The following CLN6 variants were observed in gnomAD, a reference collection of about 807,000 sequenced individuals.
CLN6 encodes ceroid-lipofuscinosis neuronal protein 6.
Under a neutral mutation model 33.3 loss-of-function variants are expected in CLN6, and 22 were observed. The ratio of observed to expected loss-of-function variants is 0.66; its 90% CI spans 0.47 to 0.94. CLN6 has a LOEUF of 0.94. Ranked by LOEUF, CLN6 falls within the 40% of genes least tolerant of loss-of-function variation. The pLI is 0.00. For synonymous variants in CLN6, 201 were observed against 174.6 expected (o/e 1.15, Z -1.19); for missense variants, 387 against 417.1 (o/e 0.93, Z 0.63).
intron 1 of CLN6, among the ~76,000 whole-genome samples, chr15:68,225,422 G>A (rs2093248907): frequency 1.3e-5 from 2 of 152,282 alleles, no homozygotes; most frequent in South Asian, 4.1e-4. Flanking sequence ...TGAAAACAGA[G>A]GACAGAAATT....
rs530599728 is a variant in CLN6 at position 68,213,824 on chromosome 15, T to C, written c.297+466A>G. On this transcript the variant is annotated intron_variant, in intron 3 of 6. Coordinates refer to ENST00000249806, the MANE Select transcript of CLN6 (RefSeq NM_017882.3). ...CAAAGCCAGCAGTTCCTGCTAGTGC[T>C]CCCAGTGACATCTCAGGGCTCTCCA... The C allele has an allele frequency of 3.3e-5, 6 of 182,452 alleles. No homozygotes were observed. The East Asian group carries it at 8.7e-4, about 26-fold the overall frequency. 11.3% of individuals were successfully genotyped at this position (182,452 alleles called of 1,614,324 possible).
chr15:68,229,146 TA>T (rs1462142436), intron 1 of CLN6, among the ~76,000 whole-genome samples: 30 of 151,970 alleles, frequency 2.0e-4, no homozygotes, highest in Admixed American at 2.0e-3. Context: ...GAGGTGTGTG[TA>T]CCCACCGCCC....
intron 1 of CLN6, among the ~76,000 whole-genome samples, chr15:68,221,741 T>C (rs958752214): frequency 4.8e-4 from 71 of 149,064 alleles, no homozygotes; most frequent in African/African-American, 1.6e-3. Context: ...ATCTGGGAGG[T>C]GAGAAGCGCC....
intron 1 of CLN6, among the ~76,000 whole-genome samples, chr15:68,245,346 T>C (rs1397960848): frequency 2.0e-5 from 3 of 151,988 alleles, no homozygotes; most frequent in African/African-American, 7.3e-5. Flanking sequence ...GCAGGTTGCT[T>C]GAACCCAGGA....
rs919169977 is a variant in CLN6 at position 68,209,180 on chromosome 15, C to T, written c.665+457G>A. ...GCCATGAAACCCCCCAGTCTGGCCT[C>T]GCCATAGTGCTTTACATTTGACAAA... On this transcript the variant is annotated intron_variant, in intron 6 of 6. Transcript: ENST00000249806. This position sits in a 1 kb window ranked among gnomAD's most constrained non-coding sequence, Gnocchi z 4.9. Among the ~76,000 whole-genome samples, 3 of 152,196 alleles carry T rather than the reference C, an allele frequency of 2.0e-5. No individual in the cohort carries two copies. The highest frequency in any genetic ancestry group is 7.2e-5 in the African/African-American group (3 of 41,446).
intron 1 of CLN6, among the ~76,000 whole-genome samples, chr15:68,250,712 A>G (rs1892370995): frequency 1.3e-5 from 2 of 152,232 alleles, no homozygotes; most frequent in South Asian, 4.1e-4. Context: ...ACCAAACATC[A>G]TAGCTTATCC....
At chr15:68,254,574 A>G in intron 1 of CLN6, 1 of 556,946 alleles carries the variant, frequency 1.8e-6, no homozygotes, top group Non-Finnish European at 3.2e-6. Context: ...GAACGACCCC[A>G]GGACAGATCA....
chr15:68,244,949 G>A (rs1892315211), intron 1 of CLN6, among the ~76,000 whole-genome samples: 1 of 150,170 alleles, frequency 6.7e-6, no homozygotes, highest in South Asian at 2.1e-4. Flanking sequence ...ACCTACTTGG[G>A]ACGCTGAGGC....
Position 68,209,490 on chromosome 15 carries a change from G to T in CLN6, c.665+147C>A. On this transcript the variant is annotated intron_variant, in intron 6 of 6. Coordinates refer to ENST00000249806, the MANE Select transcript of CLN6 (RefSeq NM_017882.3). The surrounding 1 kb of genome is among the most constrained non-coding windows in gnomAD (Gnocchi z 4.9). ...GAGGCCACCACAGGGCATTGTCACAGTCCCCACTAGACACAAGAAGAAGCA... is the reference window on the plus strand; with the variant it reads ...GAGGCCACCACAGGGCATTGTCACATTCCCCACTAGACACAAGAAGAAGCA... 1 of 1,133,666 alleles carries T rather than the reference G, an allele frequency of 8.8e-7. No individual in the cohort carries two copies. The highest frequency in any genetic ancestry group is 1.3e-6 in the Non-Finnish European group (1 of 767,320). The allele number at this position is 1,133,666 out of a possible 1,614,324, so 70.2% of individuals were successfully genotyped here.
Position 68,229,537 on chromosome 15 carries a change from T to G in CLN6, c.48A>C (p.Pro16=). The G allele has an allele frequency of 6.8e-7, 1 of 1,467,602 alleles. No homozygotes were observed. The highest frequency in any genetic ancestry group is 1.5e-5 in the African/African-American group (1 of 67,986). 90.9% of individuals were successfully genotyped at this position (1,467,602 alleles called of 1,614,324 possible). ...GGAAGGAGGCGCCCAGCTGCGCGCC[T>G]GGGCCGCCCGTCGCTCCCAGGTGCT... ...RRQHLGATGG[P]GAQLGASFLQ... Residue 16 remains proline (P), a synonymous_variant, in exon 1 of 7, where the codon CCA becomes CCC. Transcript: ENST00000249806.
In CLN6 at chr15:68,207,694, G is replaced by A. The variant is rs1249079296; in HGVS notation, c.*446C>T. On this transcript the variant is annotated 3_prime_UTR_variant, in exon 7 of 7. Transcript: ENST00000249806. ...CGTAACCTATGTAATGTAGGGTCAG[G>A]GTGGGCCTGAGGGATGAGCCAGGTG... 3 of 276,178 alleles carry A rather than the reference G, an allele frequency of 1.1e-5. No homozygotes were observed. The highest frequency in any genetic ancestry group is 1.4e-5 in the Non-Finnish European group (2 of 141,740). 17.1% of individuals were successfully genotyped at this position (276,178 alleles called of 1,614,324 possible).
rs563288755 is a variant in CLN6, at chr15:68,217,866, C to CA, written c.198+669dup. ...CGTCTATTTATTATCTATCATCTGT[C>CA]AATTATCTACCTACCTACCTACCTA... On this transcript the variant is annotated intron_variant, in intron 2 of 6. Coordinates refer to ENST00000249806, the MANE Select transcript of CLN6 (RefSeq NM_017882.3). 3.9e-3 allele frequency among the ~76,000 whole-genome samples: 559 copies of CA among 144,124 alleles called. 3 individuals carry two copies. The highest frequency in any genetic ancestry group is 0.013 in the African/African-American group (496 of 38,496). 94.6% of individuals were successfully genotyped at this position (144,124 alleles called of 152,430 possible). A position where few individuals can be genotyped will look rare whatever the true frequency, so the allele number is the denominator to read the frequency against.
Position 68,211,472 on chromosome 15 carries a change from G to A in CLN6, c.487-154C>T. The A allele has an allele frequency of 6.5e-7, 1 of 1,545,028 alleles. No individual in the cohort carries two copies. Among genetic ancestry groups the A allele is most frequent in the South Asian group, 1.1e-5 (1 of 87,484 alleles). On this transcript the variant is annotated intron_variant, in intron 4 of 6. Transcript: ENST00000249806. The surrounding 1 kb of genome is among the most constrained non-coding windows in gnomAD (Gnocchi z 5.9). Reference sequence around the variant, plus strand: ...ACCCGGGGCCTCGCCTTCTGTTACAGGGGCCCAGGTGGGAGGCAGTCTGTG... The same window carrying A: ...ACCCGGGGCCTCGCCTTCTGTTACAAGGGCCCAGGTGGGAGGCAGTCTGTG...
chr15:68,229,495 C>T lies in CLN6; in HGVS notation c.83+7G>A, dbSNP rs1595826955. 1.4e-6 allele frequency: 2 copies of T among 1,463,856 alleles called. No homozygotes were observed. Among genetic ancestry groups the T allele is most frequent in the East Asian group, 6.0e-5 (2 of 33,230 alleles). The allele number at this position is 1,463,856 out of a possible 1,614,324, so 90.7% of individuals were successfully genotyped here. ...TAGCCCGCCCTCTCACCCCGGCGCG[C>T]GCCCACCTGGCCTGCAGGAAGGAGG... On this transcript the variant is annotated splice_region_variant and intron_variant, in intron 1 of 6. Transcript: ENST00000249806.
Position 68,229,643 on chromosome 15 carries a change from C to A in CLN6, c.-59G>T. The A allele has an allele frequency of 1.5e-6, 2 of 1,349,448 alleles. No individual in the cohort carries two copies. Among genetic ancestry groups the A allele is most frequent in the African/African-American group, 1.5e-5 (1 of 65,360 alleles). The allele number at this position is 1,349,448 out of a possible 1,614,324, so 83.6% of individuals were successfully genotyped here. A position where few individuals can be genotyped will look rare whatever the true frequency, so the allele number is the denominator to read the frequency against. On this transcript the variant is annotated 5_prime_UTR_variant, in exon 1 of 7. Transcript: ENST00000249806. ...CGAGGAAGAGACCGGTTCAGCTCGG[C>A]TGCCCCGGCGGAGGCCGCCGCAAAT...
At chr15:68,218,702 A>G (rs1312311133) in intron 1 of CLN6, 52 bp from the exon 2 acceptor site, 1 of 1,370,050 alleles carries the variant, frequency 7.3e-7, no homozygotes, top group Non-Finnish European at 1.0e-6. Flanking sequence ...CCTCCACCAA[A>G]ATCTTCCCCT....
In CLN6 at chr15:68,210,995, C is replaced by T. The variant is rs2093203252; in HGVS notation, c.542+268G>A. ...ACTCGCTGCCCTCTGCTGGCCACAG[C>T]GGGCACTGAGGGCTGGGCGGGGGTG... On this transcript the variant is annotated intron_variant, in intron 5 of 6. Coordinates refer to ENST00000249806, the MANE Select transcript of CLN6 (RefSeq NM_017882.3). The surrounding 1 kb of genome is among the most constrained non-coding windows in gnomAD (Gnocchi z 5.6). Among the ~76,000 whole-genome samples the T allele has an allele frequency of 6.6e-6, 1 of 152,174 alleles. No individual in the cohort carries two copies. Among genetic ancestry groups the T allele is most frequent in the South Asian group, 2.1e-4 (1 of 4,834 alleles).
Position 68,207,805 on chromosome 15 carries a change from A to G in CLN6, c.*335T>C, listed in dbSNP as rs775946491. On this transcript the variant is annotated 3_prime_UTR_variant, in exon 7 of 7. Transcript: ENST00000249806. ...CGGCTACCAGAAGATGTCCGGGAAGAACAGACTAGCCCTGAGTAGGGAGTG... is the reference window on the plus strand; with the variant it reads ...CGGCTACCAGAAGATGTCCGGGAAGGACAGACTAGCCCTGAGTAGGGAGTG... 2 of 392,570 alleles carry G rather than the reference A, an allele frequency of 5.1e-6. No homozygotes were observed. The highest frequency in any genetic ancestry group is 9.7e-6 in the Non-Finnish European group (2 of 206,864). 24.3% of individuals were successfully genotyped at this position (392,570 alleles called of 1,614,324 possible). A position where few individuals can be genotyped will look rare whatever the true frequency, so the allele number is the denominator to read the frequency against.
Position 68,211,115 on chromosome 15 carries a change from G to A in CLN6, c.542+148C>T. The stretch of plus-strand genomic sequence containing the variant: ...AACCTCGGGGACAACTTCACTGGAG[G>A]TTGAGCTCACAGTGCCTTTACAGGG... On this transcript the variant is annotated intron_variant, in intron 5 of 6. Transcript: ENST00000249806. The surrounding 1 kb of genome is among the most constrained non-coding windows in gnomAD (Gnocchi z 5.9). The A allele has an allele frequency of 1.3e-6, 1 of 772,462 alleles. No individual in the cohort carries two copies. Among genetic ancestry groups the A allele is most frequent in the Non-Finnish European group, 2.3e-6 (1 of 431,210 alleles). The allele number at this position is 772,462 out of a possible 1,614,324, so 47.9% of individuals were successfully genotyped here.
Sources: allele counts gnomAD v4.1 joint callset (sites outside exome capture counted in the v4.1 genomes callset), GRCh38; gene constraint gnomAD v4.1.1; non-coding constraint Gnocchi (gnomAD v3.1); transcripts MANE v1.5; gene names NCBI Gene and HGNC (gene_info 2026-07-23, HGNC 2026-07-21).